SH2D4B: variants seen among roughly 807,000 people sequenced by gnomAD.
The protein encoded by SH2D4B is SH2 domain-containing protein 4B.
A neutral mutation model predicts 61.5 loss-of-function variants in SH2D4B; 45 were observed. The observed-to-expected ratio is 0.73, with a 90% CI of 0.58 to 0.94. The LOEUF is 0.94. Ranked by LOEUF, SH2D4B falls within the 40% of genes least tolerant of loss-of-function variation. The pLI, the probability that SH2D4B is intolerant of heterozygous loss-of-function variation, is 0.00. For missense variants in SH2D4B, 572 were observed against 574.2 expected (o/e 1.00, Z 0.04); for synonymous variants, 224 against 220.4 (o/e 1.02, Z -0.14).
At chr10:80,625,869 T>C (rs7895893) in intron 6 of SH2D4B, among the ~76,000 whole-genome samples, 4,840 of 152,232 alleles carry the variant, frequency 0.032, 274 homozygotes, top group African/African-American at 0.11. Context: ...CCACCATGCC[T>C]GGCCTGTTTT....
chr10:80,564,022 T>C (rs1281275145), intron 1 of SH2D4B, among the ~76,000 whole-genome samples: 2 of 152,256 alleles, frequency 1.3e-5, no homozygotes, highest in Admixed American at 1.3e-4. Context: ...TTAGCTGTTA[T>C]TATTACTTTT....
intron 7 of SH2D4B, among the ~76,000 whole-genome samples, chr10:80,643,784 C>T (rs1001089186): frequency 3.3e-5 from 5 of 151,802 alleles, no homozygotes; most frequent in East Asian, 1.9e-4. Context: ...TTCACTTTGT[C>T]GATGACAAAG....
chr10:80,541,191 C>T (rs891087842), intron 1 of SH2D4B, among the ~76,000 whole-genome samples: 2 of 152,150 alleles, frequency 1.3e-5, no homozygotes, highest in Non-Finnish European at 2.9e-5. Context: ...TTTCAGGGAA[C>T]CCCCTGGGTT....
chr10:80,630,044 G>A (rs1399849020), intron 6 of SH2D4B, among the ~76,000 whole-genome samples: 1 of 152,196 alleles, frequency 6.6e-6, no homozygotes, highest in Non-Finnish European at 1.5e-5. Context: ...AAGGGGGAGG[G>A]TGCTGGAGAA....
chr10:80,588,923 C>A, intron 4 of SH2D4B, 146 bp downstream of exon 4: 3 of 935,398 alleles, frequency 3.2e-6, no homozygotes, highest in Non-Finnish European at 4.8e-6. Flanking sequence ...CTCAGTCCTG[C>A]TAAGAATTTA....
chr10:80,558,075 A>AT (rs961231153), intron 1 of SH2D4B, among the ~76,000 whole-genome samples: 42 of 150,474 alleles, frequency 2.8e-4, no homozygotes, highest in East Asian at 1.2e-3. Context: ...TCACCTTGTG[A>AT]TTTTTTTTTT....
intron 3 of SH2D4B, among the ~76,000 whole-genome samples, chr10:80,573,785 C>T (rs1842091723): frequency 6.6e-6 from 1 of 152,140 alleles, no homozygotes; most frequent in South Asian, 2.1e-4. Context: ...TCCAAAATGT[C>T]CTTGGCTAAT....
At chr10:80,569,505 T>A (rs949772021) in intron 1 of SH2D4B, among the ~76,000 whole-genome samples, 1 of 134,162 alleles carries the variant, frequency 7.5e-6, no homozygotes, top group African/African-American at 2.8e-5. Flanking sequence ...TAAGCTAATA[T>A]GAATTTTGGG....
At chr10:80,622,027 T>G (rs1842721011) in intron 6 of SH2D4B, among the ~76,000 whole-genome samples, 1 of 152,170 alleles carries the variant, frequency 6.6e-6, no homozygotes, top group Non-Finnish European at 1.5e-5. Context: ...AGCTGAATTT[T>G]GCCTTTTTTC....
intron 6 of SH2D4B, among the ~76,000 whole-genome samples, chr10:80,626,739 T>C (rs1414807556): frequency 6.6e-6 from 1 of 152,212 alleles, no homozygotes; most frequent in Non-Finnish European, 1.5e-5. Context: ...CCACCTCACA[T>C]TCCCATTCAG....
chr10:80,595,698 G>A (rs1842377838), intron 4 of SH2D4B, among the ~76,000 whole-genome samples: 1 of 152,162 alleles, frequency 6.6e-6, no homozygotes, highest in Non-Finnish European at 1.5e-5. Context: ...TCAAATCTCA[G>A]GCCCACTCCA....
chr10:80,614,378 T>C (rs1842636161), intron 6 of SH2D4B, among the ~76,000 whole-genome samples: 1 of 152,130 alleles, frequency 6.6e-6, no homozygotes, highest in African/African-American at 2.4e-5. Context: ...CCAGATCTCA[T>C]GAGAACTCAC....
At chr10:80,576,884 C>T (rs1010632167) in intron 3 of SH2D4B, among the ~76,000 whole-genome samples, 3 of 152,200 alleles carry the variant, frequency 2.0e-5, no homozygotes, top group African/African-American at 2.4e-5. Context: ...TCTCCTGCTT[C>T]AGCCTCCCAG....
intron 7 of SH2D4B, among the ~76,000 whole-genome samples, chr10:80,642,109 TGAGACAA>T (rs528990492): frequency 1.4e-3 from 215 of 152,336 alleles, no homozygotes; most frequent in African/African-American, 4.6e-3. Context: ...TAGTCTTTTT[TGAGACAA>T]GGTCTTACTC....
intron 1 of SH2D4B, among the ~76,000 whole-genome samples, chr10:80,561,533 T>C (rs982805707): frequency 5.3e-5 from 8 of 152,352 alleles, no homozygotes; most frequent in African/African-American, 1.9e-4. Flanking sequence ...AACCAATGGA[T>C]TTTCAACTTA....
chr10:80,629,152 C>T (rs911673109), intron 6 of SH2D4B, among the ~76,000 whole-genome samples: 1 of 152,152 alleles, frequency 6.6e-6, no homozygotes, highest in African/African-American at 2.4e-5. Flanking sequence ...CTAGCATCTG[C>T]TCGGCTTCCA....
At chr10:80,577,874 AT>A (rs1323104112) in intron 3 of SH2D4B, among the ~76,000 whole-genome samples, 1 of 152,024 alleles carries the variant, frequency 6.6e-6, no homozygotes, top group Non-Finnish European at 1.5e-5. Context: ...AGACCACTGA[AT>A]TTTCTGGTAA....
At chr10:80,579,688 G>A (rs1842167623) in intron 3 of SH2D4B, among the ~76,000 whole-genome samples, 1 of 151,338 alleles carries the variant, frequency 6.6e-6, no homozygotes, top group African/African-American at 2.4e-5. Flanking sequence ...TTCTATTCAA[G>A]GCCACTCCCT....
At chr10:80,572,984 ATATTTTTTT>A (rs1842078762) in intron 3 of SH2D4B, among the ~76,000 whole-genome samples, 1 of 8,294 alleles carries the variant, frequency 1.2e-4, no homozygotes, top group Non-Finnish European at 2.1e-4. Context: ...ATATATATAT[ATATTTTTTT>A]TTTTTTTTTT....
Sources: allele counts gnomAD v4.1 joint callset (sites outside exome capture counted in the v4.1 genomes callset), GRCh38; gene constraint gnomAD v4.1.1; transcripts MANE v1.5; gene names NCBI Gene and HGNC (gene_info 2026-07-23, HGNC 2026-07-21).